The following ADGRG7 variants were observed in gnomAD, a reference collection of about 807,000 sequenced individuals.
ADGRG7 encodes G-protein coupled receptor 128.
ADGRG7 carries 82 observed loss-of-function variants against 88.6 expected under a neutral mutation model. That is an observed-to-expected ratio of 0.93 (90% confidence interval 0.77 to 1.11). The LOEUF (loss-of-function observed/expected upper bound fraction) is 1.11, where lower values mean the gene tolerates loss of function less well. Ranked by LOEUF, ADGRG7 falls within the 50% of genes most tolerant of loss-of-function variation. The probability of loss-of-function intolerance (pLI) is 0.00; values close to 1 mark genes in which losing one functional copy is unlikely to be tolerated. For synonymous variants in ADGRG7, 381 were observed against 345.2 expected (o/e 1.10, Z -1.15); for missense variants, 945 against 953.4 (o/e 0.99, Z 0.12).
At chr3:100,654,649 G>A (rs1159828107) in intron 11 of ADGRG7, 186 bp from the exon 12 acceptor site, 1 of 514,544 alleles carries the variant, frequency 1.9e-6, no homozygotes, top group African/African-American at 1.9e-5. Context: ...TTGTGGAAAT[G>A]ATAAGAGGAA....
chr3:100,691,227 G>T lies in ADGRG7; in HGVS notation c.2137-3517G>T, dbSNP rs964750200. Among the ~76,000 whole-genome samples the T allele has an allele frequency of 3.3e-5, 5 of 152,172 alleles. No homozygotes were observed. In the East Asian group the frequency reaches 9.6e-4, roughly 29 times the overall value. Reference sequence around the variant, plus strand: ...GCCCATTGGAAAAGTGCGGTATTAGGGTGGGAGTGACCCGATTTTCCAGGT... The same window carrying T: ...GCCCATTGGAAAAGTGCGGTATTAGTGTGGGAGTGACCCGATTTTCCAGGT... On this transcript the variant is annotated intron_variant, in intron 15 of 15. Transcript: ENST00000273352.
chr3:100,691,255 C>A (rs192820347), intron 15 of ADGRG7, among the ~76,000 whole-genome samples: 1 of 152,152 alleles, frequency 6.6e-6, no homozygotes, highest in Admixed American at 6.5e-5. Flanking sequence ...TTCCAGGTGC[C>A]GTCTGTCACC....
chr3:100,673,471 T>TC (rs1291219983), intron 15 of ADGRG7, among the ~76,000 whole-genome samples: 1 of 151,160 alleles, frequency 6.6e-6, no homozygotes, highest in Non-Finnish European at 1.5e-5. Flanking sequence ...CTTCTTCTTT[T>TC]TTTTTTTTTT....
At chr3:100,685,365 CT>C (rs1337717618) in intron 15 of ADGRG7, among the ~76,000 whole-genome samples, 1 of 151,162 alleles carries the variant, frequency 6.6e-6, no homozygotes, top group Non-Finnish European at 1.5e-5. Flanking sequence ...TTTCCCCATT[CT>C]TTTTTTTTAA....
chr3:100,610,057 G>A, intron 1 of ADGRG7, 86 bp downstream of exon 1: 2 of 1,091,196 alleles, frequency 1.8e-6, no homozygotes, highest in Non-Finnish European at 1.4e-6. Flanking sequence ...GTACTGGGAG[G>A]TACCTTGTCC....
intron 13 of ADGRG7, 106 bp downstream of exon 13, chr3:100,656,101 G>A: frequency 1.6e-6 from 1 of 618,384 alleles, no homozygotes; most frequent in Non-Finnish European, 3.0e-6. Flanking sequence ...CTTTATAATT[G>A]TCATGTTTAG....
At chr3:100,644,417 A>AT (rs1239656914) in intron 8 of ADGRG7, among the ~76,000 whole-genome samples, 3 of 152,130 alleles carry the variant, frequency 2.0e-5, no homozygotes, top group African/African-American at 7.2e-5. Flanking sequence ...CTTCTTGTGC[A>AT]TTTTTTCTTT....
intron 11 of ADGRG7, among the ~76,000 whole-genome samples, chr3:100,652,744 C>T (rs1431140376): frequency 1.3e-5 from 2 of 151,864 alleles, no homozygotes; most frequent in Non-Finnish European, 2.9e-5. Flanking sequence ...CACACCACAC[C>T]ATACATACAC....
chr3:100,685,775 T>G (rs2094981366), intron 15 of ADGRG7, among the ~76,000 whole-genome samples: 1 of 152,220 alleles, frequency 6.6e-6, no homozygotes. Flanking sequence ...AGTCTATCAT[T>G]GTTGGACATT....
chr3:100,679,975 TTAAAG>T (rs2094970830), intron 15 of ADGRG7, among the ~76,000 whole-genome samples: 1 of 152,242 alleles, frequency 6.6e-6, no homozygotes, highest in Admixed American at 6.5e-5. Flanking sequence ...TCTGTAGTTG[TTAAAG>T]TATTCTAAAA....
chr3:100,670,708 C>T (rs183889435), intron 15 of ADGRG7, among the ~76,000 whole-genome samples: 1 of 152,238 alleles, frequency 6.6e-6, no homozygotes, highest in Non-Finnish European at 1.5e-5. Context: ...CTATCCCTTC[C>T]CTAGCCCCCC....
At chr3:100,635,565 G>A in intron 4 of ADGRG7, 112 bp from the exon 5 acceptor site, 2 of 1,517,508 alleles carry the variant, frequency 1.3e-6, no homozygotes, top group South Asian at 2.7e-5. Flanking sequence ...TGGACATGGT[G>A]TTCAGGAGAT....
chr3:100,622,241 G>T lies in ADGRG7; in HGVS notation c.116-7357G>T, dbSNP rs1293521573. 2.1e-5 allele frequency among the ~76,000 whole-genome samples: 3 copies of T among 145,656 alleles called. No individual in the cohort carries two copies. In the East Asian group the frequency reaches 6.3e-4, roughly 30 times the overall value. The stretch of plus-strand genomic sequence containing the variant: ...TTCATTTGAGATAGTTTTTGTGAAA[G>T]ATGTAAGTCTCTCTCTATATTCATT... On this transcript the variant is annotated intron_variant, in intron 1 of 15. Transcript: ENST00000273352.
chr3:100,645,815 C>G, intron 8 of ADGRG7, 130 bp from the exon 9 acceptor site: 1 of 765,112 alleles, frequency 1.3e-6, no homozygotes, highest in Non-Finnish European at 2.1e-6. Flanking sequence ...AAAGGTTCAA[C>G]CAGTAAACCA....
chr3:100,654,042 G>T lies in ADGRG7; in HGVS notation c.1380-793G>T, dbSNP rs145386358. Among the ~76,000 whole-genome samples, 49 of 152,224 alleles carry T rather than the reference G, an allele frequency of 3.2e-4. No homozygotes were observed. The East Asian group carries it at 9.5e-3, about 29-fold the overall frequency. ...CAGCAAAGTGAGAGTCCTGCTACTA[G>T]GCTTCCCTCCGTGCAGATTGAATCC... On this transcript the variant is annotated intron_variant, in intron 11 of 15. Coordinates refer to ENST00000273352, the MANE Select transcript of ADGRG7 (RefSeq NM_032787.3).
chr3:100,630,669 C>A (rs546735067), intron 2 of ADGRG7, 36 bp from the exon 3 acceptor site: 8 of 1,021,686 alleles, frequency 7.8e-6, no homozygotes, highest in Non-Finnish European at 1.1e-5. Flanking sequence ...TTTTAAAATA[C>A]AATTTATAAT....
intron 1 of ADGRG7, among the ~76,000 whole-genome samples, chr3:100,620,188 C>A (rs1707288902): frequency 6.6e-6 from 1 of 152,162 alleles, no homozygotes; most frequent in Non-Finnish European, 1.5e-5. Context: ...AATCCAGCAG[C>A]ACATCAAAAA....
Position 100,618,106 on chromosome 3 carries a change from C to A in ADGRG7, c.115+8135C>A, listed in dbSNP as rs1275490257. On this transcript the variant is annotated intron_variant, in intron 1 of 15. Transcript: ENST00000273352. Reference sequence around the variant, plus strand: ...AATTTGTTTGAGTTCATTGTAGATTCTGGATTTTAGCCCTTTGTCAGATGA... The same window carrying A: ...AATTTGTTTGAGTTCATTGTAGATTATGGATTTTAGCCCTTTGTCAGATGA... 7.2e-4 allele frequency among the ~76,000 whole-genome samples: 110 copies of A among 152,152 alleles called. 1 individual carries two copies. Among genetic ancestry groups the A allele is most frequent in the African/African-American group, 2.6e-3 (108 of 41,510 alleles).
intron 1 of ADGRG7, among the ~76,000 whole-genome samples, chr3:100,611,630 T>C (rs1707156348): frequency 6.6e-6 from 1 of 152,160 alleles, no homozygotes; most frequent in Non-Finnish European, 1.5e-5. Context: ...GCATACCAGC[T>C]CCTCAAAAAG....
Sources: allele counts gnomAD v4.1 joint callset (sites outside exome capture counted in the v4.1 genomes callset), GRCh38; gene constraint gnomAD v4.1.1; transcripts MANE v1.5; gene names NCBI Gene and HGNC (gene_info 2026-07-23, HGNC 2026-07-21).